The following EFNA5 variants were observed in gnomAD, a reference collection of about 807,000 sequenced individuals.
The protein encoded by EFNA5 is ephrin-A5.
Under a neutral mutation model 22.9 loss-of-function variants are expected in EFNA5, and 5 were observed. The ratio of observed to expected loss-of-function variants is 0.22; its 90% confidence interval spans 0.11 to 0.46. The LOEUF (loss-of-function observed/expected upper bound fraction) is 0.46. EFNA5 is among the 20% of genes least tolerant of loss of function. The pLI is 0.99. For missense variants in EFNA5, 237 were observed against 293.3 expected (o/e 0.81, Z 1.40); for synonymous variants, 113 against 112.2 (o/e 1.01, Z -0.04).
In EFNA5 at chr5:107,380,274, A is replaced by G. The variant is rs1747402610; in HGVS notation, c.*981T>C. ...CTCTCCTTGGTACATGTCATCCCCCAGAGGAGTATCCAAAGCTATTCCACT... is the reference window on the plus strand; with the variant it reads ...CTCTCCTTGGTACATGTCATCCCCCGGAGGAGTATCCAAAGCTATTCCACT... On this transcript the variant is annotated 3_prime_UTR_variant, in exon 5 of 5. Transcript: ENST00000333274. 6.8e-6 allele frequency: 1 copy of G among 148,110 alleles called. No homozygotes were observed. The highest frequency in any genetic ancestry group is 2.5e-5 in the African/African-American group (1 of 40,164). 9.2% of individuals were successfully genotyped at this position (148,110 alleles called of 1,614,324 possible).
At chr5:107,420,606 G>A (rs933010321) in intron 2 of EFNA5, among the ~76,000 whole-genome samples, 81 of 150,082 alleles carry the variant, frequency 5.4e-4, no homozygotes, top group African/African-American at 2.0e-3. Context: ...CTGCTTTGAT[G>A]TTATGTATTC....
intron 1 of EFNA5, among the ~76,000 whole-genome samples, chr5:107,548,986 A>AT (rs1315204472): frequency 6.6e-6 from 1 of 152,196 alleles, no homozygotes; most frequent in Admixed American, 6.5e-5. Context: ...ACACATACAC[A>AT]TTTTTGCAAT....
chr5:107,559,298 T>G (rs991145393), intron 1 of EFNA5, among the ~76,000 whole-genome samples: 1 of 152,214 alleles, frequency 6.6e-6, no homozygotes, highest in African/African-American at 2.4e-5. Flanking sequence ...TTTCTGATCA[T>G]TCGTTGTGAC....
At chr5:107,435,478 G>A (rs2112429944) in intron 1 of EFNA5, among the ~76,000 whole-genome samples, 1 of 152,152 alleles carries the variant, frequency 6.6e-6, no homozygotes, top group South Asian at 2.1e-4. Flanking sequence ...ACTGAAACAT[G>A]TCTATCTTTC....
rs375127130 is a variant in EFNA5, at chr5:107,459,148, C to G, written c.126-31639G>C. On this transcript the variant is annotated intron_variant, in intron 1 of 4. Coordinates refer to ENST00000333274, the MANE Select transcript of EFNA5 (RefSeq NM_001962.3). ...CTGGCTCACGCCTGTAATCCCAGCA[C>G]TTTGAGAGGCTGAGGCAGGTGGATC... Among the ~76,000 whole-genome samples the G allele has an allele frequency of 7.2e-5, 11 of 152,178 alleles. No individual in the cohort carries two copies. In the East Asian group the frequency reaches 1.5e-3, roughly 21 times the overall value.
intron 1 of EFNA5, among the ~76,000 whole-genome samples, chr5:107,475,760 C>T (rs1024732570): frequency 1.3e-5 from 2 of 151,804 alleles, no homozygotes; most frequent in Non-Finnish European, 2.9e-5. Context: ...ATATTTCTCA[C>T]GAGAACTACC....
intron 1 of EFNA5, among the ~76,000 whole-genome samples, chr5:107,460,722 G>T (rs990259647): frequency 1.3e-5 from 2 of 152,218 alleles, no homozygotes; most frequent in East Asian, 3.9e-4. Context: ...GAAGACAAAT[G>T]GTACCAACGT....
chr5:107,471,858 G>C (rs1045252691), intron 1 of EFNA5, among the ~76,000 whole-genome samples: 4 of 152,284 alleles, frequency 2.6e-5, no homozygotes, highest in Non-Finnish European at 1.5e-5. Context: ...AGCTATAGGG[G>C]ATAATAAAGA....
intron 1 of EFNA5, among the ~76,000 whole-genome samples, chr5:107,659,174 A>G (rs1236904197): frequency 6.6e-6 from 1 of 152,168 alleles, no homozygotes; most frequent in Non-Finnish European, 1.5e-5. Context: ...TAACTTTTAG[A>G]TATTCAATAT....
chr5:107,392,133 C>T (rs549220193), intron 2 of EFNA5, among the ~76,000 whole-genome samples: 2 of 152,336 alleles, frequency 1.3e-5, no homozygotes, highest in South Asian at 4.1e-4. Context: ...GTAGAGAACA[C>T]ATCCCTTCGG....
chr5:107,393,686 G>A (rs1699973598), intron 2 of EFNA5, among the ~76,000 whole-genome samples: 1 of 152,166 alleles, frequency 6.6e-6, no homozygotes, highest in Admixed American at 6.5e-5. Context: ...TGTTAGCACG[G>A]CCCAGTTTTT....
intron 1 of EFNA5, among the ~76,000 whole-genome samples, chr5:107,521,221 T>C (rs1049606742): frequency 9.2e-5 from 14 of 152,276 alleles, no homozygotes; most frequent in African/African-American, 2.9e-4. Flanking sequence ...CATTAGCCTA[T>C]GGTTTGGCAA....
rs149125141 is a variant in EFNA5 at position 107,517,604 on chromosome 5, T to C, written c.126-90095A>G. ...AATAAAGATCTTGGTTTTCTGTATA[T>C]GCCAAGATATGAAAATCACTGGGAA... On this transcript the variant is annotated intron_variant, in intron 1 of 4. Coordinates refer to ENST00000333274, the MANE Select transcript of EFNA5 (RefSeq NM_001962.3). Among the ~76,000 whole-genome samples, 354 of 152,314 alleles carry C rather than the reference T, an allele frequency of 2.3e-3. 2 individuals carry two copies. The highest frequency in any genetic ancestry group is 8.1e-3 in the African/African-American group (335 of 41,568).
chr5:107,489,553 A>G (rs1462529692), intron 1 of EFNA5, among the ~76,000 whole-genome samples: 2 of 152,298 alleles, frequency 1.3e-5, no homozygotes, highest in South Asian at 2.1e-4. Flanking sequence ...AAAAAGTTTT[A>G]GTCCAATGTG....
intron 1 of EFNA5, among the ~76,000 whole-genome samples, chr5:107,547,719 C>A (rs1748198475): frequency 1.3e-5 from 2 of 151,950 alleles, no homozygotes; most frequent in South Asian, 2.1e-4. Context: ...AAGCATTTTT[C>A]TTTTTGATGA....
At chr5:107,509,285 A>AACCAAC (rs1667516946) in intron 1 of EFNA5, among the ~76,000 whole-genome samples, 1 of 151,750 alleles carries the variant, frequency 6.6e-6, no homozygotes, top group Non-Finnish European at 1.5e-5. Flanking sequence ...AACACAAAAG[A>AACCAAC]GCAAAAGTGA....
intron 1 of EFNA5, among the ~76,000 whole-genome samples, chr5:107,526,980 T>C (rs1345641048): frequency 1.3e-5 from 2 of 152,218 alleles, no homozygotes; most frequent in Non-Finnish European, 2.9e-5. Context: ...CATGTTTTGA[T>C]ACAGAATAAC....
chr5:107,480,228 TACTC>T lies in EFNA5; in HGVS notation c.126-52723_126-52720del, dbSNP rs1157556913. ...GAATGCTTAATGAAATATATACTAA[TACTC>T]ACATTCAATTTTTCCATAAATCAAT... On this transcript the variant is annotated intron_variant, in intron 1 of 4. Transcript: ENST00000333274. Among the ~76,000 whole-genome samples the T allele has an allele frequency of 3.9e-5, 6 of 152,226 alleles. No homozygotes were observed. The East Asian group carries it at 5.8e-4, about 15-fold the overall frequency.
intron 1 of EFNA5, among the ~76,000 whole-genome samples, chr5:107,546,105 A>G (rs1010633984): frequency 3.3e-5 from 5 of 152,132 alleles, no homozygotes; most frequent in Non-Finnish European, 5.9e-5. Flanking sequence ...CCCTTAAGCG[A>G]TATCAAAAGT....
Sources: allele counts gnomAD v4.1 joint callset (sites outside exome capture counted in the v4.1 genomes callset), GRCh38; gene constraint gnomAD v4.1.1; transcripts MANE v1.5; gene names NCBI Gene and HGNC (gene_info 2026-07-23, HGNC 2026-07-21).